The following TTC34 variants were observed in gnomAD, a reference collection of about 807,000 sequenced individuals.
TTC34 encodes tetratricopeptide repeat protein 34.
In TTC34, 44 loss-of-function variants were observed where a neutral mutation model predicts 40.7. That is an observed-to-expected ratio of 1.08 (90% CI 0.85 to 1.39). The LOEUF is 1.39. TTC34 is among the 40% of genes most tolerant of loss of function. The pLI, the probability that TTC34 is intolerant of heterozygous loss-of-function variation, is 0.00. For missense variants in TTC34, 884 were observed against 838.0 expected (o/e 1.05, Z -0.68); for synonymous variants, 422 against 398.6 (o/e 1.06, Z -0.70).
At chr1:2,681,967 C>A (rs1304643793) in intron 6 of TTC34, among the ~76,000 whole-genome samples, 3 of 120,280 alleles carry the variant, frequency 2.5e-5, no homozygotes, top group African/African-American at 6.6e-5. Flanking sequence ...CATCTGACGG[C>A]CTGGAACAGC....
At chr1:2,658,542 C>CCACA (rs1639435121) in intron 6 of TTC34, among the ~76,000 whole-genome samples, 1 of 71,220 alleles carries the variant, frequency 1.4e-5, no homozygotes, top group African/African-American at 4.1e-5. Flanking sequence ...CAGCACGCTG[C>CCACA]CCCCCCAGGT....
At chr1:2,768,700 C>A (rs943483206) in intron 6 of TTC34, among the ~76,000 whole-genome samples, 7 of 149,522 alleles carry the variant, frequency 4.7e-5, no homozygotes, top group African/African-American at 1.5e-4. Context: ...AAGACCACTG[C>A]CCCCAGGTGA....
rs1189767485 is a variant in TTC34, at chr1:2,801,574, C to T, written c.-42+3G>A. 6.6e-6 allele frequency: 1 copy of T among 152,430 alleles called. No homozygotes were observed. Among genetic ancestry groups the T allele is most frequent in the Non-Finnish European group, 1.5e-5 (1 of 68,194 alleles). 9.4% of individuals were successfully genotyped at this position (152,430 alleles called of 1,614,324 possible). A position where few individuals can be genotyped will look rare whatever the true frequency, so the allele number is the denominator to read the frequency against. On this transcript the variant is annotated splice_donor_region_variant and intron_variant, in intron 1 of 8. Transcript: ENST00000401095. ...GCTCTCAGACACACACAGACACACT[C>T]ACACTCGTCTGCAGCTTGGAGGCTG... is the stretch of plus-strand genomic sequence containing the variant.
chr1:2,686,609 C>T (rs1281020484), intron 6 of TTC34, among the ~76,000 whole-genome samples: 10 of 50,864 alleles, frequency 2.0e-4, no homozygotes, highest in East Asian at 5.8e-4. Flanking sequence ...CACCCCCAGG[C>T]GAGCATCTGA....
chr1:2,700,083 G>T (rs909925890), intron 6 of TTC34, among the ~76,000 whole-genome samples: 1 of 120,092 alleles, frequency 8.3e-6, no homozygotes, highest in Non-Finnish European at 2.0e-5. Context: ...ACCTGGAGCA[G>T]CACCCACAGT....
intron 6 of TTC34, among the ~76,000 whole-genome samples, chr1:2,682,074 T>A (rs1183251612): frequency 1.2e-5 from 1 of 84,478 alleles, no homozygotes; most frequent in Non-Finnish European, 2.4e-5. Flanking sequence ...CACCCACAGG[T>A]GAGCATCTGA....
chr1:2,748,736 T>C lies in TTC34; in HGVS notation c.2226+34873A>G, dbSNP rs1332530438. ...GAACCCACACCTCCAGGTGAGCATC[T>C]GACAGACTGGAACAGCACCCACACC... On this transcript the variant is annotated intron_variant, in intron 6 of 8. Coordinates refer to ENST00000401095, the Ensembl canonical transcript of TTC34. Among the ~76,000 whole-genome samples the C allele has an allele frequency of 2.0e-5, 2 of 101,418 alleles. 1 individual carries two copies. The highest frequency in any genetic ancestry group is 3.6e-5 in the Non-Finnish European group (2 of 54,912). 66.5% of individuals were successfully genotyped at this position (101,418 alleles called of 152,430 possible). A position where few individuals can be genotyped will look rare whatever the true frequency, so the allele number is the denominator to read the frequency against.
intron 8 of TTC34, among the ~76,000 whole-genome samples, 193 bp from the exon 9 acceptor site, chr1:2,642,088 G>T (rs1638919194): frequency 6.6e-6 from 1 of 152,164 alleles, no homozygotes; most frequent in South Asian, 2.1e-4. Flanking sequence ...CAGGAAGGGG[G>T]ACCCAGGGTA....
intron 2 of TTC34, among the ~76,000 whole-genome samples, chr1:2,794,644 G>C (rs1643696032): frequency 6.6e-6 from 1 of 152,168 alleles, no homozygotes; most frequent in Non-Finnish European, 1.5e-5. Flanking sequence ...ACAATGATGA[G>C]TAACTGGGAG....
chr1:2,769,720 G>T (rs1641991861), intron 6 of TTC34, among the ~76,000 whole-genome samples: 2 of 150,478 alleles, frequency 1.3e-5, no homozygotes, highest in Non-Finnish European at 3.0e-5. Context: ...ACCCCCAGGT[G>T]AGCATCTGAC....
At chr1:2,768,029 A>C (rs1641837332) in intron 6 of TTC34, among the ~76,000 whole-genome samples, 3 of 150,876 alleles carry the variant, frequency 2.0e-5, no homozygotes, top group South Asian at 2.1e-4. Flanking sequence ...TGACAGCATA[A>C]AACAGCACCC....
chr1:2,652,347 C>G (rs1332697240), intron 6 of TTC34, among the ~76,000 whole-genome samples: 5 of 151,242 alleles, frequency 3.3e-5, no homozygotes, highest in African/African-American at 9.8e-5. Context: ...CATCTGATAT[C>G]CTGGAACAGC....
In TTC34 at chr1:2,660,630, A is replaced by G. The variant is rs1322378716; in HGVS notation, c.2227-15067T>C. 1.2e-4 allele frequency among the ~76,000 whole-genome samples: 4 copies of G among 32,944 alleles called. 1 individual carries two copies. The Admixed American group carries it at 1.7e-3, about 14-fold the overall frequency. 21.6% of individuals were successfully genotyped at this position (32,944 alleles called of 152,430 possible). ...CTGATGGTCTGGAGCAGCACCCACAACCAGAGGTGAGCATCGGAGAGTCAG... is the reference window on the plus strand; with the variant it reads ...CTGATGGTCTGGAGCAGCACCCACAGCCAGAGGTGAGCATCGGAGAGTCAG... On this transcript the variant is annotated intron_variant, in intron 6 of 8. Transcript: ENST00000401095.
At chr1:2,789,014 G>T (rs1643627554) in intron 3 of TTC34, among the ~76,000 whole-genome samples, 1 of 152,118 alleles carries the variant, frequency 6.6e-6, no homozygotes, top group Non-Finnish European at 1.5e-5. Context: ...GGAGGCGGAG[G>T]TTGCAGCAAG....
chr1:2,699,140 A>G (rs796107004), intron 6 of TTC34, among the ~76,000 whole-genome samples: 357 of 107,340 alleles, frequency 3.3e-3, no homozygotes, highest in Admixed American at 5.6e-3. Context: ...CCCCCAGGTT[A>G]GCATCTGATA....
chr1:2,769,743 C>T (rs142542580), intron 6 of TTC34, among the ~76,000 whole-genome samples: 259 of 17,372 alleles, frequency 0.015, no homozygotes, highest in Middle Eastern at 0.042. Flanking sequence ...CCTGGAGCAG[C>T]GCCCACACCC....
intron 6 of TTC34, among the ~76,000 whole-genome samples, chr1:2,759,945 T>TCAAAC (rs1641640039): frequency 2.0e-5 from 3 of 147,348 alleles, no homozygotes; most frequent in Non-Finnish European, 4.5e-5. Flanking sequence ...TCTGACAGCC[T>TCAAAC]GGAAAGGCAC....
intron 6 of TTC34, among the ~76,000 whole-genome samples, chr1:2,698,709 C>G (rs113385214): frequency 1.4e-3 from 60 of 43,534 alleles, no homozygotes; most frequent in East Asian, 3.5e-3. Context: ...CATTCGACAG[C>G]CTGGAGCAGC....
chr1:2,757,484 T>TTCA, intron 6 of TTC34, among the ~76,000 whole-genome samples: 1 of 71,636 alleles, frequency 1.4e-5, no homozygotes. Flanking sequence ...CAGGTGAGCA[T>TTCA]CGGACAGCCT....
Sources: gnomAD v4.1 joint callset for allele counts (sites outside exome capture counted in the v4.1 genomes callset) on GRCh38, gnomAD v4.1.1 for gene constraint, MANE v1.5 for transcripts, NCBI Gene and HGNC (gene_info 2026-07-23, HGNC 2026-07-21) for gene names.